The following RICTOR variants were observed in gnomAD, a reference collection of about 807,000 sequenced individuals.
RICTOR encodes the protein rapamycin-insensitive companion of mTOR.
RICTOR carries 49 observed loss-of-function variants against 214.9 expected under a neutral mutation model. The observed-to-expected ratio is 0.23, with a 90% CI of 0.18 to 0.29. RICTOR has a LOEUF of 0.29. Ranked by LOEUF, RICTOR falls within the 10% of genes least tolerant of loss-of-function variation. The pLI, the probability that RICTOR is intolerant of heterozygous loss-of-function variation, is 1.00. For synonymous variants in RICTOR, 717 were observed against 711.3 expected (o/e 1.01, Z -0.13); for missense variants, 1,625 against 2,047.0 (o/e 0.79, Z 3.98).
intron 2 of RICTOR, among the ~76,000 whole-genome samples, chr5:39,037,935 T>C (rs1031730478): frequency 1.7e-4 from 26 of 152,188 alleles, no homozygotes; most frequent in East Asian, 5.8e-4. Context: ...TTCCAATCAA[T>C]AGAAAAAGAG....
chr5:38,952,230 A>G lies in RICTOR; in HGVS notation c.3093T>C (p.Ser1031=). Reference sequence around the variant, plus strand: ...CAGATTCACTTTCACTATTATGTCTAGAGCTGGTTGACTCCGAGTTCAAAC... The same window carrying G: ...CAGATTCACTTTCACTATTATGTCTGGAGCTGGTTGACTCCGAGTTCAAAC... ...TLSLNSESTS[S]RHNSESESVP... Residue 1031 remains serine, a synonymous_variant, in exon 30 of 38, where the codon TCT becomes TCC. Transcript: ENST00000357387. 1 of 1,610,240 alleles carries G rather than the reference A, an allele frequency of 6.2e-7. No homozygotes were observed. The highest frequency in any genetic ancestry group is 8.5e-7 in the Non-Finnish European group (1 of 1,176,764).
At chr5:38,980,813 T>G (rs1372830708) in intron 8 of RICTOR, 8 of 152,164 alleles carry the variant, frequency 5.3e-5, no homozygotes, top group Admixed American at 4.6e-4. Flanking sequence ...GCCACTACAC[T>G]TAAGCCTGGG....
chr5:38,958,739 G>A lies in RICTOR; in HGVS notation c.2271C>T (p.Thr757=), dbSNP rs749524227. The A allele has an allele frequency of 7.5e-6, 12 of 1,610,552 alleles. No individual in the cohort carries two copies. In the Admixed American group the frequency reaches 1.7e-4, roughly 22 times the overall value. Residue 757 remains threonine (T), a synonymous_variant, in exon 23 of 38, where the codon ACC becomes ACT. Coordinates refer to ENST00000357387, the MANE Select transcript of RICTOR (RefSeq NM_152756.5). ...FNNWGIELLV[T]QLHDKNKTIS... Reference sequence around the variant, plus strand: ...TCGTTTTGTTTTTATCATGTAGCTGGGTCACTAACAACTCAATTCCCCAAT... The same window carrying A: ...TCGTTTTGTTTTTATCATGTAGCTGAGTCACTAACAACTCAATTCCCCAAT...
chr5:39,053,938 C>A (rs1273238121), intron 2 of RICTOR, among the ~76,000 whole-genome samples: 1 of 149,628 alleles, frequency 6.7e-6, no homozygotes, highest in East Asian at 2.0e-4. Flanking sequence ...AAAAGTTAGC[C>A]GGGCTTGGTG....
Position 38,954,805 on chromosome 5 carries a change from T to C in RICTOR, c.2666A>G (p.His889Arg), listed in dbSNP as rs1749104137. Residue 889 changes from histidine to arginine, a missense_variant, in exon 27 of 38, where the codon CAT (histidine) becomes CGT (arginine). Physicochemically the swap from His to Arg is conservative, Grantham distance 29. Coordinates refer to ENST00000357387, the MANE Select transcript of RICTOR (RefSeq NM_152756.5). ...PIHLYGQLVH[H>R]KTGCHLLEVQ... ...TTCCAACAAATGGCAGCCTGTTTTA[T>C]GGTGTACTAGTTGTCCATAAAGGTG... 1.9e-6 allele frequency: 3 copies of C among 1,604,826 alleles called. No homozygotes were observed. Among genetic ancestry groups the C allele is most frequent in the African/African-American group, 1.3e-5 (1 of 74,616 alleles).
rs571124089 is a variant in RICTOR at position 38,973,835 on chromosome 5, T to A, written c.889+1702A>T. ...TCATTAAAAAATGTGTTCTAAAAGA[T>A]CATTTTTCAATCAGTTATTTGGAAC... On this transcript the variant is annotated intron_variant, in intron 10 of 37. Transcript: ENST00000357387. 2.6e-5 allele frequency among the ~76,000 whole-genome samples: 4 copies of A among 152,298 alleles called. No individual in the cohort carries two copies. The East Asian group carries it at 7.7e-4, about 29-fold the overall frequency.
At chr5:38,976,042 CTATA>C (rs1394604229) in intron 9 of RICTOR, among the ~76,000 whole-genome samples, 2 of 152,206 alleles carry the variant, frequency 1.3e-5, no homozygotes, top group African/African-American at 4.8e-5. Context: ...GTTCAACAAC[CTATA>C]TAGTCACTGA....
chr5:38,959,341 A>T lies in RICTOR; in HGVS notation c.2052-20T>A, dbSNP rs1220267114. On this transcript the variant is annotated intron_variant, in intron 21 of 37. Coordinates refer to ENST00000357387, the MANE Select transcript of RICTOR (RefSeq NM_152756.5). ...AGGAGACTTAAAAGAAAAAAAAAATAAGAATGGTTAAAAGAAATTACTATA... is the reference window on the plus strand; with the variant it reads ...AGGAGACTTAAAAGAAAAAAAAAATTAGAATGGTTAAAAGAAATTACTATA... 1 of 1,363,756 alleles carries T rather than the reference A, an allele frequency of 7.3e-7. No homozygotes were observed. The highest frequency in any genetic ancestry group is 1.4e-5 in the South Asian group (1 of 72,386). The allele number at this position is 1,363,756 out of a possible 1,614,324, so 84.5% of individuals were successfully genotyped here.
At position 39,003,534 on chromosome 5, in the gene RICTOR, GA is replaced by G. The variant is rs774898731; in HGVS notation, c.260+23del. Reference sequence around the variant, plus strand: ...AATTACTAAAATCTGAAAGGGATGGGAGGGGGGAATGAACCACACTTACCAA... The same window carrying G: ...AATTACTAAAATCTGAAAGGGATGGGGGGGGGAATGAACCACACTTACCAA... On this transcript the variant is annotated intron_variant, in intron 4 of 37. Transcript: ENST00000357387. 6.1e-6 allele frequency: 9 copies of G among 1,485,436 alleles called. No individual in the cohort carries two copies. In the East Asian group the frequency reaches 1.4e-4, roughly 22 times the overall value. The allele number at this position is 1,485,436 out of a possible 1,614,324, so 92.0% of individuals were successfully genotyped here.
At chr5:39,074,022 G>C in intron 2 of RICTOR, 89 bp downstream of exon 2, 2 of 971,572 alleles carry the variant, frequency 2.1e-6, no homozygotes, top group Non-Finnish European at 2.7e-6. Flanking sequence ...GGTCCCGTGC[G>C]GGGCCCGCCC....
At chr5:39,020,537 G>A (rs183272881) in intron 3 of RICTOR, among the ~76,000 whole-genome samples, 16 of 152,228 alleles carry the variant, frequency 1.1e-4, no homozygotes, top group South Asian at 2.1e-4. Context: ...TAAGGTACAC[G>A]CATTTTTTAA....
chr5:38,978,561 A>G, intron 9 of RICTOR, 22 bp downstream of exon 9: 1 of 1,339,590 alleles, frequency 7.5e-7, no homozygotes, highest in Non-Finnish European at 1.1e-6. Flanking sequence ...CTTAAAAATT[A>G]TTAGGAACCA....
At position 38,949,901 on chromosome 5, in the gene RICTOR, T is replaced by C. The variant is rs985924389; in HGVS notation, c.3947A>G (p.Asp1316Gly). 6.2e-7 allele frequency: 1 copy of C among 1,613,288 alleles called. No homozygotes were observed. The highest frequency in any genetic ancestry group is 8.5e-7 in the Non-Finnish European group (1 of 1,179,518). The change falls in exon 31 of 38, where the codon GAT becomes GGT. Residue 1316 changes from aspartate to glycine, a missense_variant. This residue lies in a region of RICTOR where 1,214 missense variants were observed against 1,470.5 expected (regional missense o/e 0.83). Transcript: ENST00000357387. ...PSIATIKSLA[D>G]CNFSYTSSRD... ...AGAACTTGTGTAACTAAAGTTACAA[T>C]CTGCTAGACTTTTAATTGTAGCAAT...
intron 2 of RICTOR, among the ~76,000 whole-genome samples, chr5:39,045,785 A>G (rs896644603): frequency 6.6e-6 from 1 of 152,126 alleles, no homozygotes; most frequent in African/African-American, 2.4e-5. Context: ...CTATGAAGGT[A>G]GTAGTTAAAA....
At chr5:39,067,359 C>A (rs991420188) in intron 2 of RICTOR, among the ~76,000 whole-genome samples, 3 of 152,128 alleles carry the variant, frequency 2.0e-5, no homozygotes, top group Admixed American at 1.3e-4. Flanking sequence ...AAAAACAACA[C>A]CAAGCCATCA....
chr5:38,958,009 G>A (rs1332471546), intron 24 of RICTOR, among the ~76,000 whole-genome samples: 1 of 152,140 alleles, frequency 6.6e-6, no homozygotes, highest in Non-Finnish European at 1.5e-5. Flanking sequence ...AGGCCAAGGT[G>A]AGTGGATCAC....
chr5:39,070,446 G>C (rs192163376), intron 2 of RICTOR, among the ~76,000 whole-genome samples: 1 of 151,940 alleles, frequency 6.6e-6, no homozygotes, highest in African/African-American at 2.4e-5. Context: ...TCCGCAGTCC[G>C]GCCTGGGCGA....
rs186650373 is a variant in RICTOR at position 38,940,369 on chromosome 5, A to G, written c.*1935T>C. 50 of 231,968 alleles carry G rather than the reference A, an allele frequency of 2.2e-4. No homozygotes were observed. In the Middle Eastern group the frequency reaches 7.8e-3, roughly 36 times the overall value. The allele number at this position is 231,968 out of a possible 1,614,324, so 14.4% of individuals were successfully genotyped here. A position where few individuals can be genotyped will look rare whatever the true frequency, so the allele number is the denominator to read the frequency against. On this transcript the variant is annotated 3_prime_UTR_variant, in exon 38 of 38. Transcript: ENST00000357387. ...TGAATGTCTAAAATATGTTAATCCC[A>G]TTATGAATAAGATTACATTACTTCC...
At position 39,029,674 on chromosome 5, in the gene RICTOR, T is replaced by C. The variant is rs539275118; in HGVS notation, c.98-8538A>G. ...AAGAACTGAATTCAAGTCTAGCTCA[T>C]TCACCCCTAAACCATGTAGCCTTGG... On this transcript the variant is annotated intron_variant, in intron 2 of 37. Transcript: ENST00000357387. Among the ~76,000 whole-genome samples the C allele has an allele frequency of 2.0e-5, 3 of 152,302 alleles. No individual in the cohort carries two copies. In the South Asian group the frequency reaches 6.2e-4, roughly 32 times the overall value.
Sources: allele counts gnomAD v4.1 joint callset (sites outside exome capture counted in the v4.1 genomes callset), GRCh38; gene constraint gnomAD v4.1.1; regional missense constraint gnomAD v4.1.1; transcripts MANE v1.5; gene names NCBI Gene and HGNC (gene_info 2026-07-23, HGNC 2026-07-21).